The following SLAIN2 variants were observed in gnomAD, a reference collection of about 807,000 sequenced individuals.
The protein encoded by SLAIN2 is SLAIN family member 2.
In SLAIN2, 31 loss-of-function variants were observed where a neutral mutation model predicts 56.6. That is an observed-to-expected ratio of 0.55 (90% CI 0.41 to 0.74). The LOEUF is 0.74. Ranked by LOEUF, SLAIN2 falls within the 30% of genes least tolerant of loss-of-function variation. The probability of loss-of-function intolerance (pLI) is 0.00; values close to 1 mark genes in which losing one functional copy is unlikely to be tolerated. For synonymous variants in SLAIN2, 317 were observed against 284.9 expected (o/e 1.11, Z -1.13); for missense variants, 777 against 754.2 (o/e 1.03, Z -0.35).
At chr4:48,377,201 C>T (rs1231519499) in intron 2 of SLAIN2, among the ~76,000 whole-genome samples, 1 of 150,842 alleles carries the variant, frequency 6.6e-6, no homozygotes, top group Non-Finnish European at 1.5e-5. Context: ...TATATTTTTT[C>T]GAGACGAGTC....
At chr4:48,414,297 C>G (rs1362496397) in intron 6 of SLAIN2, among the ~76,000 whole-genome samples, 1 of 152,060 alleles carries the variant, frequency 6.6e-6, no homozygotes, top group African/African-American at 2.4e-5. Context: ...TAGGGAAAGC[C>G]TAGGAGACTG....
Position 48,348,646 on chromosome 4 carries a change from C to T in SLAIN2, c.389+6518C>T, listed in dbSNP as rs1186188117. Among the ~76,000 whole-genome samples the T allele has an allele frequency of 8.0e-5, 12 of 149,172 alleles. No homozygotes were observed. In the South Asian group the frequency reaches 1.3e-3, roughly 16 times the overall value. ...CAGAGGTTGCAGTGAGCTGAGATCA[C>T]GCCATTATACTCCAGCCTGGGCGAC... On this transcript the variant is annotated intron_variant, in intron 1 of 7. Coordinates refer to ENST00000264313, the MANE Select transcript of SLAIN2 (RefSeq NM_020846.2).
At chr4:48,396,519 T>G (rs1243992302) in intron 6 of SLAIN2, among the ~76,000 whole-genome samples, 1 of 152,170 alleles carries the variant, frequency 6.6e-6, no homozygotes, top group Non-Finnish European at 1.5e-5. Context: ...CAAAATGGAT[T>G]TTCTGATTTC....
At chr4:48,345,398 C>A (rs184126846) in intron 1 of SLAIN2, among the ~76,000 whole-genome samples, 4 of 152,116 alleles carry the variant, frequency 2.6e-5, no homozygotes, top group African/African-American at 9.7e-5. Flanking sequence ...TTAATTAACT[C>A]TAAGTTGCTC....
chr4:48,423,655 T>C lies in SLAIN2; in HGVS notation c.*1578T>C, dbSNP rs1717221984. 1 of 152,216 alleles carries C rather than the reference T, an allele frequency of 6.6e-6. No homozygotes were observed. Among genetic ancestry groups the C allele is most frequent in the Admixed American group, 6.5e-5 (1 of 15,274 alleles). 9.4% of individuals were successfully genotyped at this position (152,216 alleles called of 1,614,324 possible). Reference sequence around the variant, plus strand: ...ACCAGGACCTCCATTCTGTCATGACTGACACCATGGTAGTCTGTCAGCTTG... The same window carrying C: ...ACCAGGACCTCCATTCTGTCATGACCGACACCATGGTAGTCTGTCAGCTTG... On this transcript the variant is annotated 3_prime_UTR_variant, in exon 8 of 8. Transcript: ENST00000264313.
Position 48,422,020 on chromosome 4 carries a change from A to C in SLAIN2, c.1689A>C (p.Pro563=), listed in dbSNP as rs375209023. The stretch of plus-strand genomic sequence containing the variant: ...AATTGCTTTATTACAGATCCTTGCC[A>C]GCTCCTAAAACCTATGGTAGCATGA... ...KLAQPVRRSL[P]APKTYGSMKD... The change falls in exon 8 of 8, where the codon CCA becomes CCC. Residue 563 remains proline (P), a synonymous_variant. Transcript: ENST00000264313. 1 of 1,609,118 alleles carries C rather than the reference A, an allele frequency of 6.2e-7. No homozygotes were observed. The highest frequency in any genetic ancestry group is 2.2e-5 in the East Asian group (1 of 44,700).
chr4:48,357,785 C>T (rs1209791183), intron 1 of SLAIN2, among the ~76,000 whole-genome samples: 1 of 152,134 alleles, frequency 6.6e-6, no homozygotes, highest in Non-Finnish European at 1.5e-5. Context: ...GTACTCCCAA[C>T]CTCAGGTGTT....
chr4:48,416,850 A>C (rs1174659102), intron 6 of SLAIN2, among the ~76,000 whole-genome samples: 1 of 130,748 alleles, frequency 7.6e-6, no homozygotes, highest in African/African-American at 3.0e-5. Flanking sequence ...ACGCATTCAA[A>C]GCAGTGTGTA....
At chr4:48,412,017 A>AT (rs34484686) in intron 6 of SLAIN2, among the ~76,000 whole-genome samples, 45,056 of 151,978 alleles carry the variant, frequency 0.3, 6,878 homozygotes, top group South Asian at 0.48. Flanking sequence ...AGTTGAGGAA[A>AT]TTCGTAAATT....
At chr4:48,420,942 T>C (rs904585284) in intron 7 of SLAIN2, among the ~76,000 whole-genome samples, 4 of 152,216 alleles carry the variant, frequency 2.6e-5, no homozygotes, top group Non-Finnish European at 5.9e-5. Context: ...TCTAACTTAG[T>C]AGATCTGTTA....
In SLAIN2 at chr4:48,420,452, C is replaced by T. The variant is rs1290503144; in HGVS notation, c.1679+9C>T. 2 of 1,612,364 alleles carry T rather than the reference C, an allele frequency of 1.2e-6. No homozygotes were observed. Among genetic ancestry groups the T allele is most frequent in the Admixed American group, 1.7e-5 (1 of 59,994 alleles). ...GCACAGCCTGTTCGCAGGTAAGTGG[C>T]AGATGTTCTGTTTCAGCATTCTTGA... On this transcript the variant is annotated intron_variant, in intron 7 of 7. Transcript: ENST00000264313.
intron 6 of SLAIN2, among the ~76,000 whole-genome samples, chr4:48,404,328 A>G (rs1345919819): frequency 1.3e-5 from 2 of 152,236 alleles, no homozygotes; most frequent in East Asian, 1.9e-4. Context: ...GTGATTACCT[A>G]GGATTCAAAA....
At chr4:48,378,235 G>C (rs1461668362) in intron 3 of SLAIN2, among the ~76,000 whole-genome samples, 175 bp downstream of exon 3, 6 of 152,288 alleles carry the variant, frequency 3.9e-5, no homozygotes, top group African/African-American at 1.4e-4. Flanking sequence ...GGCACCAGGG[G>C]TATAAACATA....
At chr4:48,409,838 C>T (rs1247877918) in intron 6 of SLAIN2, among the ~76,000 whole-genome samples, 1 of 152,108 alleles carries the variant, frequency 6.6e-6, no homozygotes, top group South Asian at 2.1e-4. Context: ...GAGCTGAGAT[C>T]GTGCCATTGC....
intron 1 of SLAIN2, among the ~76,000 whole-genome samples, chr4:48,367,877 A>G (rs544782772): frequency 1.3e-5 from 2 of 152,182 alleles, no homozygotes; most frequent in East Asian, 1.9e-4. Context: ...AATTATCACT[A>G]TCATATAATT....
At chr4:48,369,239 C>T (rs188931361) in intron 1 of SLAIN2, among the ~76,000 whole-genome samples, 1 of 152,292 alleles carries the variant, frequency 6.6e-6, no homozygotes, top group African/African-American at 2.4e-5. Context: ...TTATCTTCTG[C>T]TCAACTTTTC....
At position 48,349,848 on chromosome 4, in the gene SLAIN2, G is replaced by A. The variant is rs1577707682; in HGVS notation, c.389+7720G>A. 4.6e-5 allele frequency among the ~76,000 whole-genome samples: 7 copies of A among 152,252 alleles called. No individual in the cohort carries two copies. The South Asian group carries it at 1.5e-3, about 32-fold the overall frequency. ...TTTCATTTATTGAGTAACTGCCATA[G>A]GTGGAGCACTGTGCTGTAATGATAG... On this transcript the variant is annotated intron_variant, in intron 1 of 7. Coordinates refer to ENST00000264313, the MANE Select transcript of SLAIN2 (RefSeq NM_020846.2).
chr4:48,370,652 C>T (rs1715638863), intron 2 of SLAIN2, among the ~76,000 whole-genome samples: 1 of 152,194 alleles, frequency 6.6e-6, no homozygotes. Flanking sequence ...CAAAATGTGT[C>T]TGTGGCTGTT....
rs555669391 is a variant in SLAIN2 at position 48,391,215 on chromosome 4, C to T, written c.1360+7431C>T. Reference sequence around the variant, plus strand: ...ATTGTACCACAGGGTTGGAGGCACACATTTCGCTGAAGTGAGCTTGAATAA... The same window carrying T: ...ATTGTACCACAGGGTTGGAGGCACATATTTCGCTGAAGTGAGCTTGAATAA... On this transcript the variant is annotated intron_variant, in intron 6 of 7. Transcript: ENST00000264313. Among the ~76,000 whole-genome samples the T allele has an allele frequency of 3.3e-5, 5 of 152,292 alleles. No homozygotes were observed. The East Asian group carries it at 9.6e-4, about 29-fold the overall frequency.
Sources: gnomAD v4.1 joint callset for allele counts (sites outside exome capture counted in the v4.1 genomes callset) on GRCh38, gnomAD v4.1.1 for gene constraint, MANE v1.5 for transcripts, NCBI Gene and HGNC (gene_info 2026-07-23, HGNC 2026-07-21) for gene names.